Variants in PRDM15 observed in about 807,000 individuals in gnomAD.
PRDM15 encodes PR domain zinc finger protein 15.
Under a neutral mutation model 128.6 loss-of-function variants are expected in PRDM15, and 64 were observed. The observed-to-expected ratio is 0.50, with a 90% CI of 0.41 to 0.61. The LOEUF (loss-of-function observed/expected upper bound fraction) is 0.61. Among genes scored for constraint, PRDM15 ranks in the 20% least tolerant of loss-of-function variants. The probability of loss-of-function intolerance (pLI) is 0.00; values close to 1 mark genes in which losing one functional copy is unlikely to be tolerated. For synonymous variants in PRDM15, 615 were observed against 621.8 expected (o/e 0.99, Z 0.16); for missense variants, 1,242 against 1,569.1 (o/e 0.79, Z 3.52).
rs1161424802 is a variant in PRDM15 at position 41,821,855 on chromosome 21, A to G, written c.1896+48T>C. 2 of 1,607,846 alleles carry G rather than the reference A, an allele frequency of 1.2e-6. No individual in the cohort carries two copies. Among genetic ancestry groups the G allele is most frequent in the Non-Finnish European group, 1.7e-6 (2 of 1,178,532 alleles). ...TGGGGCCCACAGCCTTGAAACGACC[A>G]CCTTCCTCTCCAGACCACCCAGGCA... On this transcript the variant is annotated intron_variant, in intron 15 of 23. Transcript: ENST00000398548. The surrounding 1 kb of genome is among the most constrained non-coding windows in gnomAD (Gnocchi z 5.4).
rs752998031 is a variant in PRDM15 at position 41,801,224 on chromosome 21, T to C, written c.*16A>G. 2.0e-6 allele frequency: 3 copies of C among 1,508,858 alleles called. No individual in the cohort carries two copies. In the South Asian group the frequency reaches 4.0e-5, roughly 20 times the overall value. The allele number at this position is 1,508,858 out of a possible 1,614,324, so 93.5% of individuals were successfully genotyped here. On this transcript the variant is annotated 3_prime_UTR_variant, in exon 24 of 24. Coordinates refer to ENST00000398548, the MANE Select transcript of PRDM15 (RefSeq NM_001040424.3). ...ATCCCTCTGCAGTTCTTGCCCCGAG[T>C]CTCCCGGAACGCAGCTCAGTAGCTG...
At chr21:41,835,915 T>G (rs2062863839) in intron 10 of PRDM15, among the ~76,000 whole-genome samples, 198 bp downstream of exon 10, 1 of 146,314 alleles carries the variant, frequency 6.8e-6, no homozygotes, top group African/African-American at 2.7e-5. Context: ...CCTCGCCCAC[T>G]CTCCTCCCTC....
chr21:41,850,549 G>A (rs1479962107), intron 5 of PRDM15, among the ~76,000 whole-genome samples: 1 of 152,144 alleles, frequency 6.6e-6, no homozygotes, highest in East Asian at 1.9e-4. Flanking sequence ...GCAACACAGT[G>A]AGACCCATCT....
At position 41,879,337 on chromosome 21, in the gene PRDM15, G is replaced by A. The variant is rs755068109; in HGVS notation, c.-77C>T. The A allele has an allele frequency of 9.1e-7, 1 of 1,100,018 alleles. No individual in the cohort carries two copies. Among genetic ancestry groups the A allele is most frequent in the South Asian group, 3.6e-5 (1 of 27,726 alleles). The allele number at this position is 1,100,018 out of a possible 1,614,324, so 68.1% of individuals were successfully genotyped here. On this transcript the variant is annotated 5_prime_UTR_variant, in exon 1 of 24. Transcript: ENST00000398548. This position sits in a 1 kb window ranked among gnomAD's most constrained non-coding sequence, Gnocchi z 5.1. ...GGTTGCGATCCGCTCCGGAAACTGC[G>A]CAGCACCGGAAGCCGGGGGGCGGCG... is the stretch of plus-strand genomic sequence containing the variant.
chr21:41,829,033 A>G, intron 11 of PRDM15, among the ~76,000 whole-genome samples: 1 of 144,410 alleles, frequency 6.9e-6, no homozygotes, highest in South Asian at 2.3e-4. Context: ...CTACACACAC[A>G]CGCCCCACCC....
At chr21:41,813,132 C>A (rs2061921051) in intron 19 of PRDM15, 1 of 152,128 alleles carries the variant, frequency 6.6e-6, no homozygotes, top group Non-Finnish European at 1.5e-5. Flanking sequence ...CCTATGAATG[C>A]CCTTTAAACA....
intron 4 of PRDM15, among the ~76,000 whole-genome samples, chr21:41,855,854 T>C (rs532445550): frequency 1.4e-4 from 21 of 152,150 alleles, no homozygotes; most frequent in Non-Finnish European, 2.6e-4. Context: ...GTTTTAAGCA[T>C]TGTTACATAT....
chr21:41,871,705 A>C, intron 1 of PRDM15: 4 of 1,442,246 alleles, frequency 2.8e-6, no homozygotes, highest in Non-Finnish European at 3.8e-6. Flanking sequence ...ACAGAAACTA[A>C]CAGTGGTCCT....
Position 41,838,033 on chromosome 21 carries a change from G to C in PRDM15, c.902C>G (p.Pro301Arg). Residue 301 changes from proline (P) to arginine (R), a missense_variant, in exon 8 of 24, where the codon CCT becomes CGT. This residue lies in a region of PRDM15 where 612 missense variants were observed against 717.0 expected (regional missense o/e 0.85). Transcript: ENST00000398548. ...EQVAEIITEV[P>R]PDEPVSATPD... Reference sequence around the variant, plus strand: ...CGTTGCACTCACAGGCTCATCCGGAGGGACCTCGGTAATGATCTCTGCCAC... The same window carrying C: ...CGTTGCACTCACAGGCTCATCCGGACGGACCTCGGTAATGATCTCTGCCAC... The C allele has an allele frequency of 1.9e-6, 3 of 1,614,184 alleles. No homozygotes were observed. Among genetic ancestry groups the C allele is most frequent in the African/African-American group, 1.3e-5 (1 of 75,056 alleles).
chr21:41,804,518 G>T lies in PRDM15; in HGVS notation c.2733+16C>A, dbSNP rs1405912829. Reference sequence around the variant, plus strand: ...ACCCCAAAGTTTCTGAGCCCCTGGGGCCCCATGCTGCTCACCTGGACGATG... The same window carrying T: ...ACCCCAAAGTTTCTGAGCCCCTGGGTCCCCATGCTGCTCACCTGGACGATG... On this transcript the variant is annotated intron_variant, in intron 22 of 23. Coordinates refer to ENST00000398548, the MANE Select transcript of PRDM15 (RefSeq NM_001040424.3). 6.4e-7 allele frequency: 1 copy of T among 1,554,918 alleles called. No homozygotes were observed. The highest frequency in any genetic ancestry group is 1.2e-5 in the South Asian group (1 of 84,368).
At position 41,798,225 on chromosome 21, in the gene PRDM15, T is replaced by C. The variant is rs997703988; in HGVS notation, c.*3015A>G. The C allele has an allele frequency of 3.3e-5, 5 of 152,142 alleles. No individual in the cohort carries two copies. The highest frequency in any genetic ancestry group is 2.1e-4 in the South Asian group (1 of 4,824). 9.4% of individuals were successfully genotyped at this position (152,142 alleles called of 1,614,324 possible). ...GGCAGCGGGAGCAGAAGGCCAGCAA[T>C]TGAAAACACGGGTCACAGCACCTTT... On this transcript the variant is annotated 3_prime_UTR_variant, in exon 24 of 24. Transcript: ENST00000398548.
At chr21:41,814,040 G>C (rs1184964929) in intron 19 of PRDM15, 8 of 144,966 alleles carry the variant, frequency 5.5e-5, no homozygotes, top group South Asian at 2.3e-4. Flanking sequence ...CCTCGTGTTA[G>C]TGATTGCGCA....
chr21:41,819,480 C>CCCCCG, intron 18 of PRDM15, 102 bp downstream of exon 18: 2 of 1,131,588 alleles, frequency 1.8e-6, no homozygotes, highest in Non-Finnish European at 2.4e-6. Flanking sequence ...CCGCCACACC[C>CCCCCG]ACCTTCCCCA....
chr21:41,800,950 G>A lies in PRDM15; in HGVS notation c.*290C>T, dbSNP rs2061399783. On this transcript the variant is annotated 3_prime_UTR_variant, in exon 24 of 24. Transcript: ENST00000398548. ...CCGAACCCTGTGTCGGGCGAACACT[G>A]GTTCTGTAAGGGGAGGCAGATGCGG... is the stretch of plus-strand genomic sequence containing the variant. 2.7e-6 allele frequency: 1 copy of A among 365,280 alleles called. No individual in the cohort carries two copies. The highest frequency in any genetic ancestry group is 4.9e-6 in the Non-Finnish European group (1 of 204,716). 22.6% of individuals were successfully genotyped at this position (365,280 alleles called of 1,614,324 possible).
At chr21:41,876,531 G>A (rs2064422887) in intron 1 of PRDM15, among the ~76,000 whole-genome samples, 1 of 152,172 alleles carries the variant, frequency 6.6e-6, no homozygotes, top group South Asian at 2.1e-4. Context: ...TGGCCCACGG[G>A]GGAGCCACTC....
chr21:41,856,889 G>A (rs2145878329), intron 4 of PRDM15, among the ~76,000 whole-genome samples: 1 of 152,344 alleles, frequency 6.6e-6, no homozygotes, highest in South Asian at 2.1e-4. Flanking sequence ...CAGCAATGGA[G>A]GTCGTAAGAC....
At chr21:41,812,969 AGAGGGAGACAGG>A (rs1202277977) in intron 19 of PRDM15, 1 of 152,268 alleles carries the variant, frequency 6.6e-6, no homozygotes, top group Non-Finnish European at 1.5e-5. Context: ...TGGTCCACAG[AGAGGGAGACAGG>A]GAGGAGGCCA....
chr21:41,820,096 T>C lies in PRDM15; in HGVS notation c.2139A>G (p.Thr713=). ...CCCCAAATGCTGACAGACACGCACCTGTGTGGATGAGCTTGTGGCGCTCCA... is the reference window on the plus strand; with the variant it reads ...CCCCAAATGCTGACAGACACGCACCCGTGTGGATGAGCTTGTGGCGCTCCA... ...GNLERHKLIH[T]GVKSHACEQC... Residue 713 remains threonine, a splice_region_variant and synonymous_variant, in exon 17 of 24, where the codon ACA becomes ACG. Transcript: ENST00000398548. The C allele has an allele frequency of 6.2e-7, 1 of 1,613,424 alleles. No individual in the cohort carries two copies. Among genetic ancestry groups the C allele is most frequent in the South Asian group, 1.1e-5 (1 of 91,058 alleles).
rs1023933878 is a variant in PRDM15, at chr21:41,834,525, C to A, written c.1366+912G>T. 16 of 1,550,310 alleles carry A rather than the reference C, an allele frequency of 1.0e-5. No homozygotes were observed. In the Admixed American group the frequency reaches 2.0e-4, roughly 19 times the overall value. ...CTAACCTGGTAGGTCTCTAAGCCGA[C>A]TGCCGCCGGGCCCCCCCTCTCCAGG... is the stretch of plus-strand genomic sequence containing the variant. On this transcript the variant is annotated intron_variant, in intron 11 of 23. Coordinates refer to ENST00000398548, the MANE Select transcript of PRDM15 (RefSeq NM_001040424.3).
Sources: gnomAD v4.1 joint callset for allele counts (sites outside exome capture counted in the v4.1 genomes callset) on GRCh38, gnomAD v4.1.1 for gene constraint, gnomAD v4.1.1 regional missense constraint, Gnocchi (gnomAD v3.1) non-coding constraint, MANE v1.5 for transcripts, NCBI Gene and HGNC (gene_info 2026-07-23, HGNC 2026-07-21) for gene names.